Variants in PCLO observed in about 807,000 individuals in gnomAD.
PCLO encodes protein piccolo.
Under a neutral mutation model 427.5 loss-of-function variants are expected in PCLO, and 82 were observed. The observed-to-expected ratio is 0.19, with a 90% CI of 0.16 to 0.23. PCLO has a LOEUF of 0.23. Ranked by LOEUF, PCLO falls within the 10% of genes least tolerant of loss-of-function variation. The pLI is 1.00. For synonymous variants in PCLO, 2,357 were observed against 2,155.4 expected, an observed-to-expected ratio of 1.09 and a Z score of -2.59; for missense variants, 6,239 against 6,115.9, an observed-to-expected ratio of 1.02 and a Z score of -0.67.
intron 22 of PCLO, among the ~76,000 whole-genome samples, chr7:82,770,594 A>T (rs570505780): frequency 6.6e-6 from 1 of 152,086 alleles, no homozygotes; most frequent in East Asian, 1.9e-4. Flanking sequence ...TATTAGAGAA[A>T]GTCAGCTCTC....
At chr7:82,951,777 C>T (rs1478586635) in intron 5 of PCLO, 79 bp downstream of exon 5, 1 of 1,503,946 alleles carries the variant, frequency 6.6e-7, no homozygotes, top group Non-Finnish European at 8.8e-7. Flanking sequence ...GGAAAAGAAG[C>T]CACATTTTCA....
chr7:82,827,719 A>T (rs1554337214), intron 17 of PCLO, among the ~76,000 whole-genome samples, 154 bp downstream of exon 17: 1 of 151,944 alleles, frequency 6.6e-6, no homozygotes, highest in Non-Finnish European at 1.5e-5. Flanking sequence ...AATGTCACTC[A>T]TTTTTTTCCA....
chr7:83,143,482 C>T (rs1029669410), intron 2 of PCLO, among the ~76,000 whole-genome samples: 1 of 152,096 alleles, frequency 6.6e-6, no homozygotes, highest in African/African-American at 2.4e-5. Flanking sequence ...ACAATTTCTG[C>T]TATGTAATTC....
At chr7:83,151,492 G>A (rs1792128209) in intron 2 of PCLO, among the ~76,000 whole-genome samples, 1 of 152,102 alleles carries the variant, frequency 6.6e-6, no homozygotes. Flanking sequence ...ATGTCAAATG[G>A]TGCCATTGTA....
intron 3 of PCLO, among the ~76,000 whole-genome samples, chr7:83,034,722 T>C (rs1349509003): frequency 6.6e-6 from 1 of 152,134 alleles, no homozygotes; most frequent in Non-Finnish European, 1.5e-5. Context: ...ATAAATTTTC[T>C]ATTGTGCTTA....
intron 10 of PCLO, among the ~76,000 whole-genome samples, chr7:82,856,276 C>T (rs2115878886): frequency 6.6e-6 from 1 of 152,234 alleles, no homozygotes; most frequent in South Asian, 2.1e-4. Flanking sequence ...TTCTTATACT[C>T]AAATATGACT....
At chr7:82,865,695 TAATA>T (rs142567861) in intron 10 of PCLO, among the ~76,000 whole-genome samples, 9,212 of 152,198 alleles carry the variant, frequency 0.061, 371 homozygotes, top group East Asian at 0.15. Context: ...TATGAATACC[TAATA>T]AATGAATGAA....
At chr7:83,022,262 C>T (rs1279209535) in intron 3 of PCLO, among the ~76,000 whole-genome samples, 4 of 152,216 alleles carry the variant, frequency 2.6e-5, no homozygotes, top group African/African-American at 9.6e-5. Context: ...TTAGACTTCC[C>T]AGCCTTCAAA....
intron 20 of PCLO, among the ~76,000 whole-genome samples, chr7:82,814,531 T>C (rs949867669): frequency 2.0e-5 from 3 of 151,360 alleles, no homozygotes; most frequent in African/African-American, 7.2e-5. Flanking sequence ...ACTTAAATGT[T>C]TAAGCTGGAC....
chr7:82,999,576 TATTATATTAAAATATAAA>T (rs1383207269), intron 3 of PCLO, among the ~76,000 whole-genome samples: 2 of 49,828 alleles, frequency 4.0e-5, no homozygotes, highest in African/African-American at 3.0e-4. Context: ...TAAAATATAA[TATTATATTAAAATATAAA>T]ATATAATATT....
At chr7:83,089,576 C>T (rs919418349) in intron 3 of PCLO, among the ~76,000 whole-genome samples, 2 of 152,164 alleles carry the variant, frequency 1.3e-5, no homozygotes, top group African/African-American at 4.8e-5. Context: ...TATTTCCTGC[C>T]ATACAATCTT....
At chr7:82,845,513 A>C in intron 12 of PCLO, 28 bp from the exon 13 acceptor site, 2 of 1,471,062 alleles carry the variant, frequency 1.4e-6, no homozygotes, top group Non-Finnish European at 1.9e-6. Context: ...AGATTTACAT[A>C]CTTCTCCATT....
At chr7:82,776,160 C>T (rs1178529326) in intron 22 of PCLO, among the ~76,000 whole-genome samples, 1 of 152,094 alleles carries the variant, frequency 6.6e-6, no homozygotes, top group African/African-American at 2.4e-5. Flanking sequence ...TGTACCTTTG[C>T]ATCTAATTTC....
chr7:82,985,732 G>A (rs945868511), intron 3 of PCLO, among the ~76,000 whole-genome samples: 1 of 151,800 alleles, frequency 6.6e-6, no homozygotes, highest in Non-Finnish European at 1.5e-5. Flanking sequence ...AAATACAAAT[G>A]TCTTTTGTTT....
At chr7:82,882,194 T>C (rs1793524883) in intron 9 of PCLO, among the ~76,000 whole-genome samples, 2 of 152,124 alleles carry the variant, frequency 1.3e-5, no homozygotes, top group African/African-American at 2.4e-5. Flanking sequence ...CAAATATAGA[T>C]AAAATGAATA....
chr7:82,895,804 T>C (rs978368148), intron 9 of PCLO, among the ~76,000 whole-genome samples: 8 of 152,042 alleles, frequency 5.3e-5, no homozygotes, highest in African/African-American at 1.7e-4. Context: ...AATAAAGGCA[T>C]TGAATTAGTA....
chr7:82,898,408 G>C (rs1201032267), intron 9 of PCLO, among the ~76,000 whole-genome samples: 1 of 151,186 alleles, frequency 6.6e-6, no homozygotes, highest in African/African-American at 2.4e-5. Flanking sequence ...AATTATTTTT[G>C]TTTTCCTAAA....
intron 6 of PCLO, among the ~76,000 whole-genome samples, chr7:82,932,256 G>T (rs1316357063): frequency 6.6e-6 from 1 of 152,110 alleles, no homozygotes; most frequent in Non-Finnish European, 1.5e-5. Context: ...GCAAGATGCA[G>T]ATAAGAAAGT....
chr7:83,075,130 C>T (rs1172400570), intron 3 of PCLO, among the ~76,000 whole-genome samples: 2 of 151,944 alleles, frequency 1.3e-5, no homozygotes, highest in Admixed American at 1.3e-4. Context: ...CAAAATGTAC[C>T]GGTTTGAAAA....
Sources: allele counts gnomAD v4.1 joint callset (sites outside exome capture counted in the v4.1 genomes callset), GRCh38; gene constraint gnomAD v4.1.1; transcripts MANE v1.5; gene names NCBI Gene and HGNC (gene_info 2026-07-23, HGNC 2026-07-21).